The following CASK variants were observed in gnomAD, a reference collection of about 807,000 sequenced individuals.
CASK encodes calcium/calmodulin dependent serine protein kinase, also known as peripheral plasma membrane protein CASK.
A neutral mutation model predicts 82.9 loss-of-function variants in CASK; 4 were observed. The ratio of observed to expected loss-of-function variants is 0.05; its 90% CI spans 0.02 to 0.11. CASK has a LOEUF of 0.11. Ranked by LOEUF, CASK falls within the 10% of genes least tolerant of loss-of-function variation. CASK has a pLI of 1.00. For synonymous variants in CASK, 259 were observed against 253.5 expected, an observed-to-expected ratio of 1.02 and a Z score of -0.20; for missense variants, 358 against 720.9, an observed-to-expected ratio of 0.50 and a Z score of 5.76.
At position 41,561,589 on chromosome X, in the gene CASK, G is replaced by A. The variant is rs2065228951; in HGVS notation, c.1638C>T (p.Asn546=). The A allele has an allele frequency of 8.3e-7, 1 of 1,205,667 alleles. No homozygotes were observed. The highest frequency in any genetic ancestry group is 3.0e-5 in the East Asian group (1 of 33,768). ...TTTTTTGCAGTTGTTCCACTGTTTG[G>A]TTAGCCACACTGATGCCATTGATTT... ...IREINGISVA[N]QTVEQLQKML... The change falls in exon 17 of 27, where the codon AAC becomes AAT. Residue 546 remains asparagine (N), a synonymous_variant. Coordinates refer to ENST00000378163, the MANE Select transcript of CASK (RefSeq NM_001367721.1).
At chrX:41,626,745 C>A in intron 9 of CASK, 42 bp from the exon 10 acceptor site, 3 of 818,987 alleles carry the variant, frequency 3.7e-6, no homozygotes, top group Non-Finnish European at 5.5e-6. Flanking sequence ...AAAACAAATA[C>A]ACAAATATAA....
At chrX:41,567,170 A>C (rs1423020297) in intron 16 of CASK, among the ~76,000 whole-genome samples, 1 of 112,403 alleles carries the variant, frequency 8.9e-6, no homozygotes, top group Non-Finnish European at 1.9e-5. Context: ...TTCAGGACAT[A>C]GGCATGGGCA....
intron 1 of CASK, among the ~76,000 whole-genome samples, chrX:41,897,512 C>T (rs1229705749): frequency 9.0e-6 from 1 of 110,646 alleles, no homozygotes; most frequent in Non-Finnish European, 1.9e-5. Flanking sequence ...TATTAAAAAG[C>T]AAATGAAGTG....
intron 1 of CASK, among the ~76,000 whole-genome samples, chrX:41,855,790 G>T (rs997121344): frequency 1.8e-5 from 2 of 111,972 alleles, no homozygotes; most frequent in East Asian, 5.6e-4. Context: ...CACTAATTAT[G>T]ACCGTATTAA....
At chrX:41,647,874 G>A (rs2066788582) in intron 8 of CASK, among the ~76,000 whole-genome samples, 1 of 111,603 alleles carries the variant, frequency 9.0e-6, no homozygotes, top group Non-Finnish European at 1.9e-5. Context: ...GTCAGCCTAA[G>A]GCTATGTCAC....
intron 2 of CASK, among the ~76,000 whole-genome samples, chrX:41,836,349 T>TGGTC (rs1315290492): frequency 1.8e-5 from 2 of 111,901 alleles, no homozygotes; most frequent in African/African-American, 6.5e-5. Flanking sequence ...AGCTAGAAGC[T>TGGTC]GGTCTCTAGC....
rs1405986800 is a variant in CASK at position 41,630,112 on chromosome X, A to G, written c.916-3409T>C. 4.4e-5 allele frequency among the ~76,000 whole-genome samples: 5 copies of G among 112,375 alleles called. No homozygotes were observed. In the Admixed American group the frequency reaches 4.8e-4, roughly 11 times the overall value. Reference sequence around the variant, plus strand: ...AGAAGGCAGATTATAAATTCAGAGAAAAAGAGCACCACAAGTTTTTAATTT... The same window carrying G: ...AGAAGGCAGATTATAAATTCAGAGAGAAAGAGCACCACAAGTTTTTAATTT... On this transcript the variant is annotated intron_variant, in intron 9 of 26. Coordinates refer to ENST00000378163, the MANE Select transcript of CASK (RefSeq NM_001367721.1).
chrX:41,656,566 C>G (rs920685188), intron 8 of CASK, among the ~76,000 whole-genome samples: 1 of 111,536 alleles, frequency 9.0e-6, no homozygotes, highest in Non-Finnish European at 1.9e-5. Flanking sequence ...TTGATAGAGA[C>G]TAAAATGGGC....
intron 2 of CASK, among the ~76,000 whole-genome samples, chrX:41,788,487 G>T (rs1294641184): frequency 9.0e-6 from 1 of 111,633 alleles, no homozygotes; most frequent in African/African-American, 3.3e-5. Context: ...GAAGAACCAA[G>T]GCTAAGGATG....
Position 41,520,450 on chromosome X carries a change from T to C in CASK, c.2751A>G (p.Pro917=), listed in dbSNP as rs2064620803. ...EEAVELVCTA[P]QWVPVSWVY is the part of the protein sequence containing the mutation. Reference sequence around the variant, plus strand: ...AGACCCAGGAGACAGGGACCCACTGTGGGGCTGTGCACACGAGCTCAACAG... The same window carrying C: ...AGACCCAGGAGACAGGGACCCACTGCGGGGCTGTGCACACGAGCTCAACAG... Residue 917 remains proline, a synonymous_variant, in exon 27 of 27, where the codon CCA becomes CCG. Transcript: ENST00000378163. 3 of 1,208,180 alleles carry C rather than the reference T, an allele frequency of 2.5e-6. No individual in the cohort carries two copies. In the African/African-American group the frequency reaches 5.3e-5, roughly 21 times the overall value.
chrX:41,694,480 T>C (rs1376389962), intron 5 of CASK, among the ~76,000 whole-genome samples: 3 of 112,236 alleles, frequency 2.7e-5, no homozygotes, highest in Non-Finnish European at 5.6e-5. Flanking sequence ...ATAAGTAGCT[T>C]TGCAAATATT....
chrX:41,524,768 C>T (rs1032212248), intron 25 of CASK: 3 of 111,166 alleles, frequency 2.7e-5, no homozygotes, highest in Admixed American at 9.6e-5. Context: ...TGCAGTCAGA[C>T]GCTGTGGGAG....
chrX:41,717,252 C>T (rs1369047283), intron 5 of CASK, among the ~76,000 whole-genome samples: 4 of 112,254 alleles, frequency 3.6e-5, no homozygotes, highest in Non-Finnish European at 5.6e-5. Flanking sequence ...GCTCCACCCG[C>T]GAGACGCACG....
At chrX:41,663,727 T>C (rs773198065) in intron 7 of CASK, among the ~76,000 whole-genome samples, 2 of 111,807 alleles carry the variant, frequency 1.8e-5, no homozygotes, top group Non-Finnish European at 3.8e-5. Flanking sequence ...ATTATTATTA[T>C]ATGGTACCTA....
rs757153192 is a variant in CASK, at chrX:41,838,535, C to T, written c.172+14580G>A. The stretch of plus-strand genomic sequence containing the variant: ...CTTTGGGAGGCCAAGGCAGGTGGAT[C>T]ACCTGAGGTCAGGAGTTTGAGACCA... On this transcript the variant is annotated intron_variant, in intron 2 of 26. Transcript: ENST00000378163. Among the ~76,000 whole-genome samples, 130 of 111,520 alleles carry T rather than the reference C, an allele frequency of 1.2e-3. 1 individual carries two copies. Among genetic ancestry groups the T allele is most frequent in the Admixed American group, 4.1e-3 (43 of 10,559 alleles).
At chrX:41,659,741 G>C (rs780418876) in intron 8 of CASK, among the ~76,000 whole-genome samples, 3 of 111,393 alleles carry the variant, frequency 2.7e-5, no homozygotes, top group African/African-American at 9.8e-5. Context: ...GCTCATGCCT[G>C]TAATCCCAGC....
chrX:41,794,349 T>C (rs1340914772), intron 2 of CASK, among the ~76,000 whole-genome samples: 2 of 112,442 alleles, frequency 1.8e-5, no homozygotes, highest in African/African-American at 6.5e-5. Flanking sequence ...GTTTTGTTAA[T>C]ATATTTCCCA....
chrX:41,809,059 C>G (rs1439612725), intron 2 of CASK, among the ~76,000 whole-genome samples: 1 of 112,452 alleles, frequency 8.9e-6, no homozygotes, highest in Non-Finnish European at 1.9e-5. Context: ...CCCGCCATTG[C>G]TGAGGCTTAA....
intron 5 of CASK, among the ~76,000 whole-genome samples, chrX:41,677,261 A>G (rs1025442764): frequency 1.8e-5 from 2 of 111,556 alleles, no homozygotes; most frequent in African/African-American, 6.5e-5. Flanking sequence ...TTGGGAATCA[A>G]CAGTACACAG....
Sources: gnomAD v4.1 joint callset for allele counts (sites outside exome capture counted in the v4.1 genomes callset) on GRCh38, gnomAD v4.1.1 for gene constraint, MANE v1.5 for transcripts, NCBI Gene and HGNC (gene_info 2026-07-23, HGNC 2026-07-21) for gene names.